GRIN3A: variants seen among roughly 807,000 people sequenced by gnomAD.
GRIN3A encodes the protein glutamate receptor ionotropic, NMDA 3A.
GRIN3A carries 47 observed loss-of-function variants against 92.4 expected under a neutral mutation model. The observed-to-expected ratio is 0.51, with a 90% CI of 0.40 to 0.65. GRIN3A has a LOEUF of 0.65. Among genes scored for constraint, GRIN3A ranks in the 30% least tolerant of loss-of-function variants. GRIN3A has a pLI of 0.00. For synonymous variants in GRIN3A, 527 were observed against 540.6 expected, an observed-to-expected ratio of 0.97 and a Z score of 0.35; for missense variants, 1,324 against 1,393.1, an observed-to-expected ratio of 0.95 and a Z score of 0.79.
At chr9:101,733,934 A>G (rs920385562) in intron 1 of GRIN3A, among the ~76,000 whole-genome samples, 5 of 152,084 alleles carry the variant, frequency 3.3e-5, no homozygotes, top group African/African-American at 1.2e-4. Flanking sequence ...CTTGGGCTCA[A>G]GCAGTCCTCC....
intron 1 of GRIN3A, among the ~76,000 whole-genome samples, chr9:101,713,471 A>ACT (rs1159219978): frequency 6.6e-6 from 1 of 152,220 alleles, no homozygotes; most frequent in African/African-American, 2.4e-5. Flanking sequence ...GAGCCTAGGT[A>ACT]TGTATTCAGT....
chr9:101,579,290 A>G lies in GRIN3A; in HGVS notation c.2837T>C (p.Ile946Thr). The G allele has an allele frequency of 6.2e-7, 1 of 1,614,058 alleles. No homozygotes were observed. The highest frequency in any genetic ancestry group is 8.5e-7 in the Non-Finnish European group (1 of 1,179,948). The change falls in exon 7 of 9, where the codon ATT becomes ACT. Residue 946 changes from isoleucine (I) to threonine (T), a missense_variant. Transcript: ENST00000361820. ...VLLCIGFGLS[I>T]LTTIGEHIVY... ...TATGTGCTCACCAATGGTGGTCAAAATGGACAGACCAAATCCAATGCACAG... is the reference window on the plus strand; with the variant it reads ...TATGTGCTCACCAATGGTGGTCAAAGTGGACAGACCAAATCCAATGCACAG...
intron 1 of GRIN3A, among the ~76,000 whole-genome samples, chr9:101,735,748 T>C (rs1200328412): frequency 6.6e-6 from 1 of 151,914 alleles, no homozygotes; most frequent in Non-Finnish European, 1.5e-5. Flanking sequence ...TGGATGCAAT[T>C]TCATGTTTAT....
chr9:101,709,530 A>G (rs1452169692), intron 1 of GRIN3A, among the ~76,000 whole-genome samples: 1 of 152,218 alleles, frequency 6.6e-6, no homozygotes, highest in East Asian at 1.9e-4. Context: ...AGTTCTCAGA[A>G]GGACCTCTGC....
At chr9:101,602,485 C>T (rs1251802268) in intron 6 of GRIN3A, among the ~76,000 whole-genome samples, 1 of 152,114 alleles carries the variant, frequency 6.6e-6, no homozygotes, top group African/African-American at 2.4e-5. Context: ...GACTTTAGTG[C>T]ATGGAAGTCT....
At chr9:101,705,916 A>C (rs1805191118) in intron 1 of GRIN3A, among the ~76,000 whole-genome samples, 1 of 152,200 alleles carries the variant, frequency 6.6e-6, no homozygotes, top group Admixed American at 6.5e-5. Context: ...CACTGTTAAG[A>C]AGCAAAGATG....
chr9:101,729,846 A>G (rs994113929), intron 1 of GRIN3A, among the ~76,000 whole-genome samples: 2 of 152,040 alleles, frequency 1.3e-5, no homozygotes, highest in African/African-American at 2.4e-5. Flanking sequence ...TGCCACACAA[A>G]CCTGAAGCCC....
At chr9:101,672,501 C>T (rs4582620) in intron 2 of GRIN3A, among the ~76,000 whole-genome samples, 50,705 of 151,748 alleles carry the variant, frequency 0.33, 9,356 homozygotes, top group Non-Finnish European at 0.41. Context: ...TAGAGTGGAA[C>T]ACAGTAGGTA....
chr9:101,629,842 G>A lies in GRIN3A; in HGVS notation c.2353-1441C>T, dbSNP rs541152924. 3.9e-5 allele frequency among the ~76,000 whole-genome samples: 6 copies of A among 152,280 alleles called. No homozygotes were observed. The East Asian group carries it at 1.2e-3, about 29-fold the overall frequency. On this transcript the variant is annotated intron_variant, in intron 3 of 8. Coordinates refer to ENST00000361820, the MANE Select transcript of GRIN3A (RefSeq NM_133445.3). ...AGAGAAGTGAAGTAATGGGCATAAG[G>A]TCATGCAGTTGTAAGTAGCAGGGAC... is the stretch of plus-strand genomic sequence containing the variant.
intron 3 of GRIN3A, among the ~76,000 whole-genome samples, chr9:101,641,783 C>T (rs62577432): frequency 0.14 from 19,806 of 145,116 alleles, 1,587 homozygotes; most frequent in Admixed American, 0.2. Context: ...AGTATAATAA[C>T]AATAAAATTA....
At chr9:101,709,742 G>A (rs1415766701) in intron 1 of GRIN3A, among the ~76,000 whole-genome samples, 1 of 152,264 alleles carries the variant, frequency 6.6e-6, no homozygotes, top group East Asian at 1.9e-4. Context: ...ATTGTAAAAT[G>A]CATATCAAGG....
intron 3 of GRIN3A, among the ~76,000 whole-genome samples, chr9:101,634,044 C>T (rs1172654871): frequency 1.3e-5 from 2 of 152,068 alleles, no homozygotes; most frequent in African/African-American, 4.8e-5. Context: ...AAGAAAATTA[C>T]TCCTCCTGGC....
At chr9:101,625,133 G>A (rs1388992376) in intron 4 of GRIN3A, among the ~76,000 whole-genome samples, 3 of 151,996 alleles carry the variant, frequency 2.0e-5, no homozygotes. Context: ...TATCTCATGC[G>A]ATGACTACCT....
intron 1 of GRIN3A, among the ~76,000 whole-genome samples, chr9:101,695,087 T>C (rs1388614771): frequency 6.6e-6 from 1 of 152,180 alleles, no homozygotes; most frequent in Non-Finnish European, 1.5e-5. Flanking sequence ...CTTATAACTT[T>C]TGTAAAGATT....
intron 3 of GRIN3A, among the ~76,000 whole-genome samples, chr9:101,649,819 T>C (rs1296031349): frequency 6.6e-6 from 1 of 152,034 alleles, no homozygotes; most frequent in African/African-American, 2.4e-5. Flanking sequence ...AACCTAGATG[T>C]CTTTTATTGA....
intron 1 of GRIN3A, among the ~76,000 whole-genome samples, chr9:101,723,770 C>T (rs976474394): frequency 6.6e-5 from 10 of 152,182 alleles, no homozygotes; most frequent in South Asian, 2.1e-4. Context: ...TACAGAGTGT[C>T]GATTGGTGCA....
chr9:101,623,089 G>A (rs1393385356), intron 5 of GRIN3A, among the ~76,000 whole-genome samples: 1 of 151,810 alleles, frequency 6.6e-6, no homozygotes, highest in Non-Finnish European at 1.5e-5. Flanking sequence ...AACATCATAT[G>A]GGTAACAATG....
In GRIN3A at chr9:101,597,389, T is replaced by C. The variant is rs1828150367; in HGVS notation, c.2766+15987A>G. 3.9e-5 allele frequency among the ~76,000 whole-genome samples: 6 copies of C among 152,124 alleles called. No homozygotes were observed. In the South Asian group the frequency reaches 8.3e-4, roughly 21 times the overall value. The stretch of plus-strand genomic sequence containing the variant: ...GCTCTTCCTTATAAGAACAGGGTAA[T>C]GCTGAGCAGACAGAACAACAGATGG... On this transcript the variant is annotated intron_variant, in intron 6 of 8. Coordinates refer to ENST00000361820, the MANE Select transcript of GRIN3A (RefSeq NM_133445.3).
intron 5 of GRIN3A, among the ~76,000 whole-genome samples, chr9:101,614,776 C>A (rs1457735442): frequency 6.6e-6 from 1 of 151,276 alleles, no homozygotes; most frequent in African/African-American, 2.4e-5. Flanking sequence ...CACACCACCA[C>A]CCTGGCTAAT....
Sources: gnomAD v4.1 joint callset for allele counts (sites outside exome capture counted in the v4.1 genomes callset) on GRCh38, gnomAD v4.1.1 for gene constraint, MANE v1.5 for transcripts, NCBI Gene and HGNC (gene_info 2026-07-23, HGNC 2026-07-21) for gene names.